The following RBM15B variants were observed in gnomAD, a reference collection of about 807,000 sequenced individuals.
RBM15B encodes the protein RNA binding motif protein 15B.
A neutral mutation model predicts 53.3 loss-of-function variants in RBM15B; 11 were observed. The ratio of observed to expected loss-of-function variants is 0.21; its 90% CI spans 0.13 to 0.34. RBM15B has a LOEUF of 0.34. RBM15B is among the 10% of genes least tolerant of loss of function. The pLI, the probability that RBM15B is intolerant of heterozygous loss-of-function variation, is 1.00. For synonymous variants in RBM15B, 631 were observed against 540.7 expected (o/e 1.17, Z -2.32); for missense variants, 1,136 against 1,250.3 (o/e 0.91, Z 1.38).
In RBM15B at chr3:51,392,158, C is replaced by G; in HGVS notation, c.759C>G (p.Leu253=). Residue 253 remains leucine, a synonymous_variant, in exon 1 of 1, where the codon CTC becomes CTG. Coordinates refer to ENST00000563281, the MANE Select transcript of RBM15B (RefSeq NM_013286.5). The surrounding 1 kb of genome is among the most constrained non-coding windows in gnomAD (Gnocchi z 7.5). The stretch of plus-strand genomic sequence containing the variant: ...CGCCCGCCGACCCGCTCGGCTACCT[C>G]CCGCTACACGGAGGCTACCAGTACA... ...PPAPADPLGY[L]PLHGGYQYKQ... is the part of the protein sequence containing the mutation. 6.5e-7 allele frequency: 1 copy of G among 1,536,738 alleles called. No individual in the cohort carries two copies. Among genetic ancestry groups the G allele is most frequent in the Non-Finnish European group, 8.7e-7 (1 of 1,146,456 alleles).
chr3:51,396,067 A>C lies in RBM15B; in HGVS notation c.*1995A>C. On this transcript the variant is annotated 3_prime_UTR_variant, in exon 1 of 1. Transcript: ENST00000563281. ...GTGGTTTTCCTGCAGCTCTCCAACA[A>C]ACGCCTGAGTCACAGGCCAGAGCTG... The C allele has an allele frequency of 2.4e-6, 1 of 411,422 alleles. No homozygotes were observed. The highest frequency in any genetic ancestry group is 6.3e-4 in the Middle Eastern group (1 of 1,588). 25.5% of individuals were successfully genotyped at this position (411,422 alleles called of 1,614,324 possible). A position where few individuals can be genotyped will look rare whatever the true frequency, so the allele number is the denominator to read the frequency against.
At position 51,392,607 on chromosome 3, in the gene RBM15B, G is replaced by T. The variant is rs1439808201; in HGVS notation, c.1208G>T (p.Gly403Val). 6.2e-7 allele frequency: 1 copy of T among 1,613,926 alleles called. No individual in the cohort carries two copies. Among genetic ancestry groups the T allele is most frequent in the Non-Finnish European group, 8.5e-7 (1 of 1,180,046 alleles). ...GTGGCCATGTCGGGCCGAGTGATTG[G>T]TCGCAACCCCATTAAGATAGGCTAT... ...AKVAMSGRVI[G>V]RNPIKIGYGK... Residue 403 changes from glycine to valine, a missense_variant, in exon 1 of 1, where the codon GGT (glycine) becomes GTT (valine). Coordinates refer to ENST00000563281, the MANE Select transcript of RBM15B (RefSeq NM_013286.5). The surrounding 1 kb of genome is among the most constrained non-coding windows in gnomAD (Gnocchi z 7.5).
At position 51,391,391 on chromosome 3, in the gene RBM15B, G is replaced by A; in HGVS notation, c.-9G>A. 8.2e-7 allele frequency: 1 copy of A among 1,221,800 alleles called. No individual in the cohort carries two copies. Among genetic ancestry groups the A allele is most frequent in the Non-Finnish European group, 1.0e-6 (1 of 981,218 alleles). 75.7% of individuals were successfully genotyped at this position (1,221,800 alleles called of 1,614,324 possible). A position where few individuals can be genotyped will look rare whatever the true frequency, so the allele number is the denominator to read the frequency against. On this transcript the variant is annotated 5_prime_UTR_variant, in exon 1 of 1. Coordinates refer to ENST00000563281, the MANE Select transcript of RBM15B (RefSeq NM_013286.5). The surrounding 1 kb of genome is among the most constrained non-coding windows in gnomAD (Gnocchi z 4.5). The stretch of plus-strand genomic sequence containing the variant: ...AACCTACGGGCCGCCCGCCCGCCGC[G>A]CCAGCGCCATGAAGCGGCAGAGCGA...
rs2089189457 is a variant in RBM15B at position 51,396,154 on chromosome 3, A to C, written c.*2082A>C. On this transcript the variant is annotated 3_prime_UTR_variant, in exon 1 of 1. Transcript: ENST00000563281. ...GGCTACCTATCTTCCTTCATGAAGC[A>C]GGTGCTCAGGACCCGGAAGAATCAT... 2.5e-6 allele frequency: 1 copy of C among 393,426 alleles called. No individual in the cohort carries two copies. Among genetic ancestry groups the C allele is most frequent in the Non-Finnish European group, 4.7e-6 (1 of 214,084 alleles). The allele number at this position is 393,426 out of a possible 1,614,324, so 24.4% of individuals were successfully genotyped here.
Position 51,394,036 on chromosome 3 carries a change from A to G in RBM15B, c.2637A>G (p.Glu879=), listed in dbSNP as rs782222907. The G allele has an allele frequency of 4.1e-6, 6 of 1,480,578 alleles. No individual in the cohort carries two copies. The highest frequency in any genetic ancestry group is 9.0e-7 in the Non-Finnish European group (1 of 1,114,956). The allele number at this position is 1,480,578 out of a possible 1,614,324, so 91.7% of individuals were successfully genotyped here. A position where few individuals can be genotyped will look rare whatever the true frequency, so the allele number is the denominator to read the frequency against. The stretch of plus-strand genomic sequence containing the variant: ...GGACATTGGGCAAGCTAGAAGAAGA[A>G]CACATGGTGATAGTCATCGTCAGAG... ...ALRTLGKLEE[E]HMVIVIVRDT... is the part of the protein sequence containing the mutation. Residue 879 remains glutamate, a synonymous_variant, in exon 1 of 1, where the codon GAA becomes GAG. Transcript: ENST00000563281.
rs782605324 is a variant in RBM15B at position 51,394,264 on chromosome 3, G to A, written c.*192G>A. 4.7e-5 allele frequency: 33 copies of A among 704,770 alleles called. No individual in the cohort carries two copies. Among genetic ancestry groups the A allele is most frequent in the Non-Finnish European group, 5.0e-5 (25 of 495,540 alleles). The allele number at this position is 704,770 out of a possible 1,614,324, so 43.7% of individuals were successfully genotyped here. On this transcript the variant is annotated 3_prime_UTR_variant, in exon 1 of 1. Coordinates refer to ENST00000563281, the MANE Select transcript of RBM15B (RefSeq NM_013286.5). The stretch of plus-strand genomic sequence containing the variant: ...TTTTGGGGGATTTTTTTTTTTAAAC[G>A]ATGAGAAGGGAATCCGGTTATGTTG...
At position 51,392,249 on chromosome 3, in the gene RBM15B, G is replaced by T. The variant is rs782695485; in HGVS notation, c.850G>T (p.Ala284Ser). The T allele has an allele frequency of 2.2e-5, 35 of 1,589,698 alleles. No individual in the cohort carries two copies. The highest frequency in any genetic ancestry group is 1.7e-4 in the Admixed American group (10 of 57,496). ...GGAGCCCCGTGCCCGTCACGCCGCC[G>T]CAGCCTTCGCCCTGGATGCCGCTGC... is the stretch of plus-strand genomic sequence containing the variant. ...LREPRARHAAAAFALDAAAAA... is the reference protein window; with the variant it reads ...LREPRARHAASAFALDAAAAA... The change falls in exon 1 of 1, where the codon GCA (alanine) becomes TCA (serine). Residue 284 changes from alanine to serine, a missense_variant. Physicochemically the swap from Ala to Ser is moderately conservative, Grantham distance 99. Around this residue, in one of 7 missense-constraint regions of RBM15B, gnomAD observed 204 missense variants for 196.8 expected, o/e 1.04. Transcript: ENST00000563281. The surrounding 1 kb of genome is among the most constrained non-coding windows in gnomAD (Gnocchi z 7.5).
Position 51,391,555 on chromosome 3 carries a change from G to C in RBM15B, c.156G>C (p.Arg52=). The change falls in exon 1 of 1, where the codon CGG becomes CGC. Residue 52 remains arginine (R), a synonymous_variant. Coordinates refer to ENST00000563281, the MANE Select transcript of RBM15B (RefSeq NM_013286.5). The surrounding 1 kb of genome is among the most constrained non-coding windows in gnomAD (Gnocchi z 4.5). ...GCGCCAAGCACCCGGTTCCAGCGCGGGCCCGCGACAAACCCCGCGGCAGCG... is the reference window on the plus strand; with the variant it reads ...GCGCCAAGCACCCGGTTCCAGCGCGCGCCCGCGACAAACCCCGCGGCAGCG... The part of the protein sequence containing the change: ...SGGAKHPVPA[R]ARDKPRGSGS... The C allele has an allele frequency of 1.7e-6, 2 of 1,183,158 alleles. No homozygotes were observed. The highest frequency in any genetic ancestry group is 2.1e-6 in the Non-Finnish European group (2 of 956,940). 73.3% of individuals were successfully genotyped at this position (1,183,158 alleles called of 1,614,324 possible). A position where few individuals can be genotyped will look rare whatever the true frequency, so the allele number is the denominator to read the frequency against.
In RBM15B at chr3:51,391,604, G is replaced by A. The variant is rs1399673206; in HGVS notation, c.205G>A (p.Asp69Asn). 72 of 1,179,994 alleles carry A rather than the reference G, an allele frequency of 6.1e-5. No individual in the cohort carries two copies. The East Asian group carries it at 2.7e-3, about 44-fold the overall frequency. The allele number at this position is 1,179,994 out of a possible 1,614,324, so 73.1% of individuals were successfully genotyped here. The change falls in exon 1 of 1, where the codon GAC becomes AAC. Residue 69 changes from aspartate to asparagine, a missense_variant. Physicochemically the swap from Asp to Asn is conservative, Grantham distance 23. This residue lies in a region of RBM15B where 257 missense variants were observed against 261.1 expected (regional missense o/e 0.98). Coordinates refer to ENST00000563281, the MANE Select transcript of RBM15B (RefSeq NM_013286.5). The surrounding 1 kb of genome is among the most constrained non-coding windows in gnomAD (Gnocchi z 4.5). ...GSGSGGGGHR[D>N]GRGTGDANHR... ...CGGAAGCGGCGGGGGCGGGCATCGC[G>A]ACGGCCGCGGCACCGGGGACGCGAA... is the stretch of plus-strand genomic sequence containing the variant.
rs1173280884 is a variant in RBM15B, at chr3:51,394,963, G to C, written c.*891G>C. 6.0e-6 allele frequency: 1 copy of C among 167,206 alleles called. No homozygotes were observed. The highest frequency in any genetic ancestry group is 2.4e-5 in the African/African-American group (1 of 41,450). 10.4% of individuals were successfully genotyped at this position (167,206 alleles called of 1,614,324 possible). On this transcript the variant is annotated 3_prime_UTR_variant, in exon 1 of 1. Transcript: ENST00000563281. Reference sequence around the variant, plus strand: ...GTTGCCTCAGGTTCCCAGGGGCCCGGGAGTCCAAATACTGGAATGGAGGGT... The same window carrying C: ...GTTGCCTCAGGTTCCCAGGGGCCCGCGAGTCCAAATACTGGAATGGAGGGT...
rs566998817 is a variant in RBM15B at position 51,391,799 on chromosome 3, G to T, written c.400G>T (p.Ala134Ser). The stretch of plus-strand genomic sequence containing the variant: ...GCCCGCGTGTCCCGGCTCATCCGCG[G>T]CCGCGCCTGAGTACAAGACGTTGCT... ...AEPACPGSSA[A>S]APEYKTLLIS... Residue 134 changes from alanine to serine, a missense_variant, in exon 1 of 1, where the codon GCC becomes TCC. Ala to Ser is a moderately conservative substitution (Grantham distance 99). Transcript: ENST00000563281. This position sits in a 1 kb window ranked among gnomAD's most constrained non-coding sequence, Gnocchi z 4.5. 1.3e-6 allele frequency: 2 copies of T among 1,593,008 alleles called. No individual in the cohort carries two copies. The highest frequency in any genetic ancestry group is 4.6e-5 in the East Asian group (2 of 43,704).
chr3:51,393,920 G>T lies in RBM15B; in HGVS notation c.2521G>T (p.Val841Leu). Residue 841 changes from valine (V) to leucine (L), a missense_variant, in exon 1 of 1, where the codon GTG becomes TTG. Physicochemically the swap from Val to Leu is conservative, Grantham distance 32 (BLOSUM62 1). Transcript: ENST00000563281. The surrounding 1 kb of genome is among the most constrained non-coding windows in gnomAD (Gnocchi z 5.6). ...GGCCGCAGGGGTGATCAGCTTGCCAGTGGGGGGGTCCAAGGGCAGAGACGG... is the reference window on the plus strand; with the variant it reads ...GGCCGCAGGGGTGATCAGCTTGCCATTGGGGGGGTCCAAGGGCAGAGACGG... ...KQAAGVISLP[V>L]GGSKGRDGTG... The T allele has an allele frequency of 1.9e-6, 3 of 1,541,608 alleles. No homozygotes were observed. Among genetic ancestry groups the T allele is most frequent in the Non-Finnish European group, 2.6e-6 (3 of 1,145,588 alleles).
chr3:51,392,815 A>C lies in RBM15B; in HGVS notation c.1416A>C (p.Lys472Asn), dbSNP rs782545618. The change falls in exon 1 of 1, where the codon AAA becomes AAC. Residue 472 changes from lysine to asparagine, a missense_variant. By Grantham distance (94) the Lys-to-Asn change is moderately conservative. Coordinates refer to ENST00000563281, the MANE Select transcript of RBM15B (RefSeq NM_013286.5). The surrounding 1 kb of genome is among the most constrained non-coding windows in gnomAD (Gnocchi z 7.5). ...ACGCAGCCCAGGCCGCCTGTGCTAA[A>C]ATGAGGGGTTTTCCCTTGGGTGGAC... ...SLDAAQAACA[K>N]MRGFPLGGPD... The C allele has an allele frequency of 6.2e-7, 1 of 1,614,030 alleles. No individual in the cohort carries two copies. Among genetic ancestry groups the C allele is most frequent in the Non-Finnish European group, 8.5e-7 (1 of 1,180,010 alleles).
chr3:51,393,850 G>A lies in RBM15B; in HGVS notation c.2451G>A (p.Gln817=), dbSNP rs1553622084. ...TGCCCACAGTAGAGCCCGGTCTGCAGAGGCGGCTTCTCAGGAACCTGGTCT... is the reference window on the plus strand; with the variant it reads ...TGCCCACAGTAGAGCCCGGTCTGCAAAGGCGGCTTCTCAGGAACCTGGTCT... ...EGMPTVEPGL[Q]RRLLRNLVSY... is the part of the protein sequence containing the mutation. The change falls in exon 1 of 1, where the codon CAG becomes CAA. Residue 817 remains glutamine (Q), a synonymous_variant. Transcript: ENST00000563281. The surrounding 1 kb of genome is among the most constrained non-coding windows in gnomAD (Gnocchi z 5.6). 6.3e-7 allele frequency: 1 copy of A among 1,595,224 alleles called. No homozygotes were observed. Among genetic ancestry groups the A allele is most frequent in the African/African-American group, 1.4e-5 (1 of 73,982 alleles).
chr3:51,391,443 G>A lies in RBM15B; in HGVS notation c.44G>A (p.Gly15Asp). 4 of 1,270,306 alleles carry A rather than the reference G, an allele frequency of 3.1e-6. No individual in the cohort carries two copies. In the South Asian group the frequency reaches 7.1e-5, roughly 22 times the overall value. 78.7% of individuals were successfully genotyped at this position (1,270,306 alleles called of 1,614,324 possible). Residue 15 changes from glycine to aspartate, a missense_variant, in exon 1 of 1, where the codon GGC (glycine) becomes GAC (aspartate). Transcript: ENST00000563281. This position sits in a 1 kb window ranked among gnomAD's most constrained non-coding sequence, Gnocchi z 4.5. ...CGAGACTCTAGCCCGAGCGGGCGCGGCTCGTCATCGTCCGCCAAGCGTCCG... is the reference window on the plus strand; with the variant it reads ...CGAGACTCTAGCCCGAGCGGGCGCGACTCGTCATCGTCCGCCAAGCGTCCG... The part of the protein sequence containing the change: ...SERDSSPSGR[G>D]SSSSAKRPRE...
In RBM15B at chr3:51,391,907, A is replaced by G. The variant is rs1301609875; in HGVS notation, c.508A>G (p.Ser170Gly). 13 of 1,603,412 alleles carry G rather than the reference A, an allele frequency of 8.1e-6. No individual in the cohort carries two copies. The highest frequency in any genetic ancestry group is 1.1e-5 in the Non-Finnish European group (13 of 1,179,388). ...FHQFKRFGEI[S>G]LRLSHTPELG... ...CCAGTTCAAGCGCTTCGGCGAGATCAGCCTCCGCCTGTCGCACACGCCTGA... is the reference window on the plus strand; with the variant it reads ...CCAGTTCAAGCGCTTCGGCGAGATCGGCCTCCGCCTGTCGCACACGCCTGA... The change falls in exon 1 of 1, where the codon AGC (serine) becomes GGC (glycine). Residue 170 changes from serine to glycine, a missense_variant. Transcript: ENST00000563281. The surrounding 1 kb of genome is among the most constrained non-coding windows in gnomAD (Gnocchi z 4.5).
chr3:51,392,301 A>G lies in RBM15B; in HGVS notation c.902A>G (p.Glu301Gly). 1 of 1,609,784 alleles carries G rather than the reference A, an allele frequency of 6.2e-7. No individual in the cohort carries two copies. The highest frequency in any genetic ancestry group is 8.5e-7 in the Non-Finnish European group (1 of 1,178,930). The change falls in exon 1 of 1, where the codon GAG (glutamate) becomes GGG (glycine). Residue 301 changes from glutamate (E) to glycine (G), a missense_variant. Glu to Gly is a moderately conservative substitution (Grantham distance 98). Coordinates refer to ENST00000563281, the MANE Select transcript of RBM15B (RefSeq NM_013286.5). This position sits in a 1 kb window ranked among gnomAD's most constrained non-coding sequence, Gnocchi z 7.5. ...AAAAAVGLSRERALDYYGLYD... is the reference protein window; with the variant it reads ...AAAAAVGLSRGRALDYYGLYD... ...GCCGCCGCCGTGGGACTGTCCCGGG[A>G]GCGGGCCCTGGACTACTACGGGCTG...
chr3:51,393,070 T>C lies in RBM15B; in HGVS notation c.1671T>C (p.Ser557=). 1.2e-6 allele frequency: 2 copies of C among 1,613,808 alleles called. No individual in the cohort carries two copies. The highest frequency in any genetic ancestry group is 3.3e-4 in the Middle Eastern group (2 of 6,062). The change falls in exon 1 of 1, where the codon TCT becomes TCC. Residue 557 remains serine, a synonymous_variant. Coordinates refer to ENST00000563281, the MANE Select transcript of RBM15B (RefSeq NM_013286.5). This position sits in a 1 kb window ranked among gnomAD's most constrained non-coding sequence, Gnocchi z 5.6. ...ACTGGACCAGCCCCAGTAAAAGCTC[T>C]GACCGCCGAAACAGCCTTGAGGGCT... ...EGDWTSPSKS[S]DRRNSLEGYS...
In RBM15B at chr3:51,395,715, A is replaced by C. The variant is rs537978374; in HGVS notation, c.*1643A>C. ...GATAAGGTAGCATGAGTGACACCTG[A>C]GATTAGAGGCTGGGGCTCACTGCAG... On this transcript the variant is annotated 3_prime_UTR_variant, in exon 1 of 1. Transcript: ENST00000563281. The C allele has an allele frequency of 7.3e-6, 3 of 412,608 alleles. No homozygotes were observed. The highest frequency in any genetic ancestry group is 1.3e-5 in the Non-Finnish European group (3 of 225,890). The allele number at this position is 412,608 out of a possible 1,614,324, so 25.6% of individuals were successfully genotyped here. A position where few individuals can be genotyped will look rare whatever the true frequency, so the allele number is the denominator to read the frequency against.
Sources: gnomAD v4.1 joint callset for allele counts on GRCh38, gnomAD v4.1.1 for gene constraint, gnomAD v4.1.1 regional missense constraint, Gnocchi (gnomAD v3.1) non-coding constraint, MANE v1.5 for transcripts, NCBI Gene and HGNC (gene_info 2026-07-23, HGNC 2026-07-21) for gene names.